Variants in TBC1D20 observed in about 807,000 individuals in gnomAD.
The protein encoded by TBC1D20 is TBC1 domain family member 20, also known as chromosome 20 open reading frame 140.
Under a neutral mutation model 41.6 loss-of-function variants are expected in TBC1D20, and 12 were observed. The ratio of observed to expected loss-of-function variants is 0.29; its 90% CI spans 0.18 to 0.47. The LOEUF (loss-of-function observed/expected upper bound fraction) is 0.47. Ranked by LOEUF, TBC1D20 falls within the 20% of genes least tolerant of loss-of-function variation. The pLI, the probability that TBC1D20 is intolerant of heterozygous loss-of-function variation, is 1.00. For synonymous variants in TBC1D20, 205 were observed against 204.8 expected (o/e 1.00, Z -0.01); for missense variants, 421 against 517.4 (o/e 0.81, Z 1.81).
chr20:460,471 G>GCTT (rs2017610914), intron 1 of TBC1D20, among the ~76,000 whole-genome samples: 3 of 151,076 alleles, frequency 2.0e-5, no homozygotes, highest in African/African-American at 7.3e-5. Context: ...CTCCACGTCT[G>GCTT]TACCAGAAGA....
chr20:441,012 CG>C (rs1401337312), intron 5 of TBC1D20: 6 of 153,162 alleles, frequency 3.9e-5, no homozygotes, highest in African/African-American at 1.2e-4. Context: ...CGCTTGAACC[CG>C]GAAGATAGAG....
At chr20:457,211 C>T (rs2017557818) in intron 1 of TBC1D20, among the ~76,000 whole-genome samples, 1 of 152,176 alleles carries the variant, frequency 6.6e-6, no homozygotes, top group Admixed American at 6.5e-5. Flanking sequence ...GCTAGGATTA[C>T]AGGCATGAGC....
chr20:454,675 T>TTATTA (rs2017511724), intron 1 of TBC1D20, among the ~76,000 whole-genome samples: 3 of 106,342 alleles, frequency 2.8e-5, no homozygotes, highest in Non-Finnish European at 6.4e-5. Context: ...TATTATTATT[T>TTATTA]TATTTTTATT....
In TBC1D20 at chr20:462,509, T is replaced by A; in HGVS notation, c.-104A>T. 1.6e-6 allele frequency: 1 copy of A among 608,230 alleles called. No individual in the cohort carries two copies. The highest frequency in any genetic ancestry group is 2.2e-6 in the Non-Finnish European group (1 of 458,404). The allele number at this position is 608,230 out of a possible 1,614,324, so 37.7% of individuals were successfully genotyped here. A position where few individuals can be genotyped will look rare whatever the true frequency, so the allele number is the denominator to read the frequency against. Reference sequence around the variant, plus strand: ...TAGCACCCGCTCGGCATCGGCAGGCTCCCCTCCGTCGGCCAGCGGCGCGCA... The same window carrying A: ...TAGCACCCGCTCGGCATCGGCAGGCACCCCTCCGTCGGCCAGCGGCGCGCA... On this transcript the variant is annotated 5_prime_UTR_variant, in exon 1 of 8. Coordinates refer to ENST00000354200, the MANE Select transcript of TBC1D20 (RefSeq NM_144628.4).
intron 3 of TBC1D20, among the ~76,000 whole-genome samples, chr20:442,824 G>A (rs7271706): frequency 0.047 from 7,124 of 152,274 alleles, 464 homozygotes; most frequent in African/African-American, 0.14. Flanking sequence ...TAGGCCAGGC[G>A]CGGTGGCTCA....
intron 1 of TBC1D20, among the ~76,000 whole-genome samples, chr20:462,060 G>A (rs2017641016): frequency 6.6e-6 from 1 of 152,176 alleles, no homozygotes; most frequent in African/African-American, 2.4e-5. Flanking sequence ...GAAGAAAGCC[G>A]GGGCGCGAAG....
intron 2 of TBC1D20, among the ~76,000 whole-genome samples, chr20:446,943 ATTTTTTTTTT>A (rs35489596): frequency 5.3e-5 from 4 of 75,892 alleles, no homozygotes; most frequent in Non-Finnish European, 7.1e-5. Context: ...CAAAATACGC[ATTTTTTTTTT>A]TTTTTTTTTT....
At position 458,440 on chromosome 20, in the gene TBC1D20, G is replaced by A. The variant is rs371599757; in HGVS notation, c.70+3896C>T. ...GTGATCCTCCTGCCTTAGCCTCCCA[G>A]GTAGCTGGGACCACAGACAAGCTCC... On this transcript the variant is annotated intron_variant, in intron 1 of 7. Coordinates refer to ENST00000354200, the MANE Select transcript of TBC1D20 (RefSeq NM_144628.4). 7.3e-5 allele frequency among the ~76,000 whole-genome samples: 11 copies of A among 151,552 alleles called. No homozygotes were observed. The South Asian group carries it at 2.3e-3, about 32-fold the overall frequency.
In TBC1D20 at chr20:438,667, C is replaced by T; in HGVS notation, c.1131G>A (p.Val377=). ...CAGCCAGTGCAGCCGCTCCAAGTGC[C>T]ACTGTCAGCCCCATCACTGCCAATT... The part of the protein sequence containing the change: ...FVKLAVMGLT[V]ALGAAALAVV... Residue 377 remains valine (V), a synonymous_variant, in exon 8 of 8, where the codon GTG becomes GTA. Coordinates refer to ENST00000354200, the MANE Select transcript of TBC1D20 (RefSeq NM_144628.4). 6.2e-7 allele frequency: 1 copy of T among 1,614,214 alleles called. No homozygotes were observed. Among genetic ancestry groups the T allele is most frequent in the Non-Finnish European group, 8.5e-7 (1 of 1,180,040 alleles).
intron 1 of TBC1D20, among the ~76,000 whole-genome samples, chr20:458,577 T>C (rs2017580912): frequency 6.6e-6 from 1 of 152,088 alleles, no homozygotes. Context: ...CCTCCCAAAG[T>C]GCTGGGATTA....
intron 3 of TBC1D20, among the ~76,000 whole-genome samples, chr20:444,558 GTTTGT>G (rs2017296315): frequency 8.2e-6 from 1 of 122,212 alleles, no homozygotes; most frequent in Non-Finnish European, 1.8e-5. Flanking sequence ...TTTTTTGTTT[GTTTGT>G]TTTGTTTTTA....
At chr20:457,226 G>A (rs371570731) in intron 1 of TBC1D20, among the ~76,000 whole-genome samples, 12 of 151,906 alleles carry the variant, frequency 7.9e-5, no homozygotes, top group East Asian at 3.9e-4. Context: ...ATGAGCCACC[G>A]CATCTGGCCC....
At chr20:442,109 A>C (rs1410370358) in intron 3 of TBC1D20, 66 bp from the exon 4 acceptor site, 39 of 1,386,862 alleles carry the variant, frequency 2.8e-5, no homozygotes, top group Non-Finnish European at 3.9e-6. Context: ...AGGTCGAAGA[A>C]GGCCAGCAAT....
intron 1 of TBC1D20, among the ~76,000 whole-genome samples, chr20:457,084 G>GC (rs2017554705): frequency 6.6e-6 from 1 of 151,102 alleles, no homozygotes; most frequent in Non-Finnish European, 1.5e-5. Flanking sequence ...TTACAGGCAT[G>GC]CACCACCATG....
At chr20:447,258 C>A (rs1368970722) in intron 2 of TBC1D20, among the ~76,000 whole-genome samples, 1 of 151,684 alleles carries the variant, frequency 6.6e-6, no homozygotes, top group Non-Finnish European at 1.5e-5. Flanking sequence ...CCACACCCGG[C>A]CCAAAATATG....
At chr20:453,206 C>T (rs1234677988) in intron 1 of TBC1D20, among the ~76,000 whole-genome samples, 1 of 129,304 alleles carries the variant, frequency 7.7e-6, no homozygotes, top group Non-Finnish European at 1.6e-5. Flanking sequence ...GGCGCAGTGG[C>T]TCACGCCTGT....
chr20:453,606 C>T (rs888090002), intron 1 of TBC1D20, among the ~76,000 whole-genome samples: 2 of 115,736 alleles, frequency 1.7e-5, no homozygotes, highest in African/African-American at 3.6e-5. Flanking sequence ...AGTGCAGAGG[C>T]GCAATCTCGG....
rs575530337 is a variant in TBC1D20 at position 445,275 on chromosome 20, C to T, written c.257-145G>A. ...ATATGACTCAAGATACAACATTTGG[C>T]AGGGAATCCCTAGTTTGGTTCCAAA... On this transcript the variant is annotated intron_variant, in intron 2 of 7. Transcript: ENST00000354200. 6.5e-5 allele frequency: 42 copies of T among 647,462 alleles called. No individual in the cohort carries two copies. The African/African-American group carries it at 7.4e-4, about 11-fold the overall frequency. 40.1% of individuals were successfully genotyped at this position (647,462 alleles called of 1,614,324 possible). A position where few individuals can be genotyped will look rare whatever the true frequency, so the allele number is the denominator to read the frequency against.
At chr20:452,511 G>C (rs1295025341) in intron 1 of TBC1D20, among the ~76,000 whole-genome samples, 1 of 152,182 alleles carries the variant, frequency 6.6e-6, no homozygotes, top group African/African-American at 2.4e-5. Flanking sequence ...CAGCTACTCA[G>C]GAGGCTGGGG....
Sources: allele counts gnomAD v4.1 joint callset (sites outside exome capture counted in the v4.1 genomes callset), GRCh38; gene constraint gnomAD v4.1.1; transcripts MANE v1.5; gene names NCBI Gene and HGNC (gene_info 2026-07-23, HGNC 2026-07-21).